USP14: variants seen among roughly 807,000 people sequenced by gnomAD.
The protein encoded by USP14 is ubiquitin carboxyl-terminal hydrolase 14.
USP14 carries 38 observed loss-of-function variants against 76.5 expected under a neutral mutation model. The ratio of observed to expected loss-of-function variants is 0.50; its 90% CI spans 0.38 to 0.65. The LOEUF (loss-of-function observed/expected upper bound fraction) is 0.65. Among genes scored for constraint, USP14 ranks in the 30% least tolerant of loss-of-function variants. The pLI is 0.00. For synonymous variants in USP14, 192 were observed against 191.7 expected (o/e 1.00, Z -0.01); for missense variants, 467 against 586.5 (o/e 0.80, Z 2.10).
chr18:199,717 T>C (rs558790857), intron 10 of USP14, among the ~76,000 whole-genome samples: 2 of 152,322 alleles, frequency 1.3e-5, no homozygotes, highest in Admixed American at 1.3e-4. Context: ...CACTGTTGGC[T>C]CTGAGTTCAA....
At chr18:191,780 G>T (rs138427514) in intron 5 of USP14, among the ~76,000 whole-genome samples, 1 of 152,042 alleles carries the variant, frequency 6.6e-6, no homozygotes, top group Non-Finnish European at 1.5e-5. Context: ...GCCGATATTG[G>T]GTGATACTAG....
In USP14 at chr18:196,633, T is replaced by C. The variant is rs1330208692; in HGVS notation, c.464-4T>C. The C allele has an allele frequency of 6.2e-7, 1 of 1,612,660 alleles. No individual in the cohort carries two copies. Among genetic ancestry groups the C allele is most frequent in the South Asian group, 1.1e-5 (1 of 90,504 alleles). ...ACTAAGGCAATGTTTGCTTTGTCTT[T>C]AAGCCCTTAGAGATTTGTTTGATTC... On this transcript the variant is annotated splice_polypyrimidine_tract_variant and splice_region_variant and intron_variant, in intron 6 of 15. Coordinates refer to ENST00000261601, the MANE Select transcript of USP14 (RefSeq NM_005151.4).
chr18:206,697 C>T (rs914113591), intron 13 of USP14, among the ~76,000 whole-genome samples: 1 of 152,050 alleles, frequency 6.6e-6, no homozygotes, highest in Non-Finnish European at 1.5e-5. Flanking sequence ...GTCAGGGGTT[C>T]GAGACCAGCC....
intron 6 of USP14, among the ~76,000 whole-genome samples, chr18:194,354 C>T (rs1317582984): frequency 2.0e-5 from 3 of 152,130 alleles, no homozygotes; most frequent in Admixed American, 2.0e-4. Context: ...GCTTCTGCAG[C>T]ATCATATATG....
chr18:196,588 A>T, intron 6 of USP14, 49 bp from the exon 7 acceptor site: 1 of 1,561,834 alleles, frequency 6.4e-7, no homozygotes, highest in Non-Finnish European at 8.7e-7. Flanking sequence ...AGTCGCGTGT[A>T]TTAAATATGT....
At chr18:189,503 A>G (rs188385511) in intron 5 of USP14, among the ~76,000 whole-genome samples, 320 of 151,064 alleles carry the variant, frequency 2.1e-3, no homozygotes, top group Admixed American at 5.1e-3. Context: ...TTTTTTTTTG[A>G]GAAGGAGTCT....
At chr18:178,530 A>G (rs993588855) in intron 3 of USP14, among the ~76,000 whole-genome samples, 4 of 152,248 alleles carry the variant, frequency 2.6e-5, no homozygotes, top group East Asian at 1.9e-4. Context: ...GGGCGATTCT[A>G]TATTGTCATG....
At chr18:199,393 G>A (rs1910326403) in intron 10 of USP14, 77 bp downstream of exon 10, 2 of 1,003,684 alleles carry the variant, frequency 2.0e-6, no homozygotes, top group African/African-American at 1.6e-5. Context: ...TATTCACTGG[G>A]CTTTAATGGT....
In USP14 at chr18:213,584, A is replaced by G. The variant is rs1307216228; in HGVS notation, c.*2300A>G. ...CTGTGCCACTCACACCGAGGCCATC[A>G]TCTCAACATTAGAGTTGTGCTAGAT... On this transcript the variant is annotated 3_prime_UTR_variant, in exon 16 of 16. Coordinates refer to ENST00000261601, the MANE Select transcript of USP14 (RefSeq NM_005151.4). 6.6e-6 allele frequency: 1 copy of G among 152,524 alleles called. No individual in the cohort carries two copies. Among genetic ancestry groups the G allele is most frequent in the African/African-American group, 2.4e-5 (1 of 41,416 alleles). The allele number at this position is 152,524 out of a possible 1,614,324, so 9.4% of individuals were successfully genotyped here.
At chr18:176,082 G>T (rs560181783) in intron 3 of USP14, among the ~76,000 whole-genome samples, 1 of 151,240 alleles carries the variant, frequency 6.6e-6, no homozygotes, top group African/African-American at 2.4e-5. Flanking sequence ...TTCCTCTCTA[G>T]TATTGGCAAA....
At chr18:168,547 G>T (rs559344199) in intron 3 of USP14, among the ~76,000 whole-genome samples, 21 of 151,956 alleles carry the variant, frequency 1.4e-4, no homozygotes, top group Non-Finnish European at 2.9e-4. Context: ...TGATTCTCCT[G>T]CCTCAACCTC....
intron 3 of USP14, among the ~76,000 whole-genome samples, chr18:173,196 C>G (rs768007853): frequency 7.3e-5 from 11 of 150,982 alleles, no homozygotes; most frequent in African/African-American, 2.7e-4. Flanking sequence ...GCAAGCTCCA[C>G]CTCCTGGTTC....
chr18:173,985 G>A (rs1286036111), intron 3 of USP14, among the ~76,000 whole-genome samples: 3 of 152,100 alleles, frequency 2.0e-5, no homozygotes, highest in Non-Finnish European at 2.9e-5. Context: ...AAATCAGGTC[G>A]TCTAAGTCTT....
At chr18:200,219 G>C (rs1910348684) in intron 10 of USP14, among the ~76,000 whole-genome samples, 1 of 152,062 alleles carries the variant, frequency 6.6e-6, no homozygotes, top group African/African-American at 2.4e-5. Flanking sequence ...TAGCTGAACT[G>C]TTAACTTTAA....
chr18:168,749 A>C (rs546688990), intron 3 of USP14, among the ~76,000 whole-genome samples: 1 of 151,754 alleles, frequency 6.6e-6, no homozygotes, highest in East Asian at 2.0e-4. Context: ...CCTACTTTTT[A>C]ATAGGACTTC....
intron 12 of USP14, among the ~76,000 whole-genome samples, chr18:204,259 A>G (rs923808841): frequency 2.0e-5 from 3 of 151,516 alleles, no homozygotes; most frequent in Non-Finnish European, 1.5e-5. Flanking sequence ...CAGCTTGTCC[A>G]ATATTTCTGA....
chr18:183,580 G>T (rs1156406900), intron 5 of USP14, among the ~76,000 whole-genome samples: 1 of 151,894 alleles, frequency 6.6e-6, no homozygotes, highest in East Asian at 1.9e-4. Context: ...ATGTGCTCTA[G>T]GAAAATGCCT....
intron 13 of USP14, among the ~76,000 whole-genome samples, chr18:206,669 AC>A (rs1280773686): frequency 6.6e-6 from 1 of 152,126 alleles, no homozygotes; most frequent in East Asian, 1.9e-4. Context: ...GGAGGCTGAG[AC>A]AGGCAGATCA....
At chr18:202,858 C>A (rs1435199356) in intron 10 of USP14, 22 bp from the exon 11 acceptor site, 21 of 1,612,986 alleles carry the variant, frequency 1.3e-5, no homozygotes, top group Non-Finnish European at 1.8e-5. Flanking sequence ...AATGTTTGGT[C>A]TTCTGTTATG....
Sources: gnomAD v4.1 joint callset for allele counts (sites outside exome capture counted in the v4.1 genomes callset) on GRCh38, gnomAD v4.1.1 for gene constraint, MANE v1.5 for transcripts, NCBI Gene and HGNC (gene_info 2026-07-23, HGNC 2026-07-21) for gene names.